SMAD1: variants seen among roughly 807,000 people sequenced by gnomAD.
SMAD1 encodes the protein SMAD family member 1, also known as MAD, mothers against decapentaplegic homolog 1.
SMAD1 carries 6 observed loss-of-function variants against 41.6 expected under a neutral mutation model. The observed-to-expected ratio is 0.14, with a 90% CI of 0.08 to 0.28. SMAD1 has a LOEUF of 0.28. SMAD1 is among the 10% of genes least tolerant of loss of function. The probability of loss-of-function intolerance (pLI) is 1.00; values close to 1 mark genes in which losing one functional copy is unlikely to be tolerated. For synonymous variants in SMAD1, 206 were observed against 203.2 expected, an observed-to-expected ratio of 1.01 and a Z score of -0.12; for missense variants, 379 against 582.6, an observed-to-expected ratio of 0.65 and a Z score of 3.60.
intron 1 of SMAD1, chr4:145,502,916 T>C (rs1729533341): frequency 2.0e-5 from 3 of 152,260 alleles, no homozygotes; most frequent in South Asian, 4.1e-4. Flanking sequence ...CTTGCTGGCA[T>C]GTCACTTAAG....
intron 3 of SMAD1, among the ~76,000 whole-genome samples, chr4:145,541,860 A>G (rs1731960697): frequency 6.6e-6 from 1 of 152,114 alleles, no homozygotes; most frequent in African/African-American, 2.4e-5. Context: ...AGAAACCTAT[A>G]CCCTTTGTTT....
In SMAD1 at chr4:145,518,555, A is replaced by G. The variant is rs140182908; in HGVS notation, c.400+3542A>G. ...CACACTGCCAGAATTGAAGCCCTCT[A>G]TAAAGCCGTACAGAGTACACCTGGG... On this transcript the variant is annotated intron_variant, in intron 2 of 6. Transcript: ENST00000302085. 1.9e-3 allele frequency among the ~76,000 whole-genome samples: 235 copies of G among 125,436 alleles called. 70 individuals are homozygous for G. In the South Asian group the frequency reaches 0.03, roughly 16 times the overall value. 82.3% of individuals were successfully genotyped at this position (125,436 alleles called of 152,430 possible).
Position 145,557,813 on chromosome 4 carries a change from G to A in SMAD1, c.1277G>A (p.Arg426His). 6.2e-7 allele frequency: 1 copy of A among 1,608,312 alleles called. No individual in the cohort carries two copies. The highest frequency in any genetic ancestry group is 8.5e-7 in the Non-Finnish European group (1 of 1,176,384). The change falls in exon 7 of 7, where the codon CGC becomes CAC. Residue 426 changes from arginine (R) to histidine (H), a missense_variant. This residue lies in a region of SMAD1 where 107 missense variants were observed against 218.3 expected (regional missense o/e 0.49). Transcript: ENST00000302085. Reference sequence around the variant, plus strand: ...TAGGGCTGGGGAGCAGAATACCACCGCCAGGATGTTACTAGCACCCCCTGC... The same window carrying A: ...TAGGGCTGGGGAGCAGAATACCACCACCAGGATGTTACTAGCACCCCCTGC... ...FVKGWGAEYH[R>H]QDVTSTPCWI...
intron 1 of SMAD1, among the ~76,000 whole-genome samples, chr4:145,484,932 T>C (rs1469565717): frequency 6.6e-6 from 1 of 152,232 alleles, no homozygotes; most frequent in Non-Finnish European, 1.5e-5. Flanking sequence ...AACAAAGATA[T>C]TTGAATTGAA....
At chr4:145,500,490 C>T (rs992158097) in intron 1 of SMAD1, among the ~76,000 whole-genome samples, 18 of 152,248 alleles carry the variant, frequency 1.2e-4, no homozygotes, top group African/African-American at 4.3e-4. Flanking sequence ...GCCCTTCTCT[C>T]TGCTTGGAAT....
chr4:145,527,399 A>G (rs899749610), intron 2 of SMAD1, among the ~76,000 whole-genome samples: 2 of 151,804 alleles, frequency 1.3e-5, no homozygotes, highest in Non-Finnish European at 2.9e-5. Context: ...AATTTTTTGT[A>G]TTTTTAGTAG....
chr4:145,515,073 T>G (rs1416041755), intron 2 of SMAD1, 60 bp downstream of exon 2: 6 of 1,478,936 alleles, frequency 4.1e-6, no homozygotes, highest in Admixed American at 2.2e-5. Context: ...TTGTGTTGTT[T>G]AGAACATGAA....
At chr4:145,505,785 C>T (rs774731922) in intron 1 of SMAD1, among the ~76,000 whole-genome samples, 22 of 151,952 alleles carry the variant, frequency 1.4e-4, no homozygotes, top group Admixed American at 1.4e-3. Context: ...TCTGGAAATA[C>T]GCACTTAGGT....
intron 5 of SMAD1, among the ~76,000 whole-genome samples, chr4:145,549,311 C>G (rs1206242330): frequency 2.0e-5 from 3 of 152,150 alleles, no homozygotes; most frequent in Non-Finnish European, 4.4e-5. Flanking sequence ...GCCAACTATA[C>G]TATGGCTATA....
chr4:145,527,337 C>G (rs1246174150), intron 2 of SMAD1, among the ~76,000 whole-genome samples: 1 of 151,604 alleles, frequency 6.6e-6, no homozygotes, highest in African/African-American at 2.4e-5. Context: ...CATTCTCCTG[C>G]CTCAGCCTCC....
At chr4:145,515,160 G>GTGTC in intron 2 of SMAD1, 147 bp downstream of exon 2, 1 of 717,386 alleles carries the variant, frequency 1.4e-6, no homozygotes. Flanking sequence ...GTGTGTGTGT[G>GTGTC]TGTGTGTGTG....
chr4:145,539,708 G>T (rs1406584600), intron 2 of SMAD1, 96 bp from the exon 3 acceptor site: 1 of 1,242,278 alleles, frequency 8.0e-7, no homozygotes. Context: ...CAGATAATTT[G>T]TTGTTGTTTA....
At chr4:145,547,370 C>T (rs1218926351) in intron 5 of SMAD1, among the ~76,000 whole-genome samples, 1 of 152,126 alleles carries the variant, frequency 6.6e-6, no homozygotes, top group Non-Finnish European at 1.5e-5. Flanking sequence ...AGTGATTGTA[C>T]CCCCACAGGG....
chr4:145,539,244 T>C (rs1731787380), intron 2 of SMAD1, among the ~76,000 whole-genome samples: 1 of 152,228 alleles, frequency 6.6e-6, no homozygotes, highest in Admixed American at 6.5e-5. Context: ...CCTCATATTT[T>C]GTATAATTAA....
intron 2 of SMAD1, among the ~76,000 whole-genome samples, chr4:145,524,317 T>C (rs190709712): frequency 8.5e-5 from 13 of 152,338 alleles, no homozygotes; most frequent in African/African-American, 3.1e-4. Context: ...AAGCTTGTTA[T>C]TTTAATTTTT....
intron 1 of SMAD1, among the ~76,000 whole-genome samples, chr4:145,489,720 G>T (rs1347590754): frequency 1.2e-4 from 18 of 152,174 alleles, no homozygotes; most frequent in Admixed American, 1.2e-3. Flanking sequence ...GCTACAGGCA[G>T]GTTGGAGATA....
chr4:145,512,364 C>T (rs72946724), intron 1 of SMAD1, among the ~76,000 whole-genome samples: 20,383 of 152,074 alleles, frequency 0.13, 2,784 homozygotes, highest in African/African-American at 0.34. Context: ...TCCTTTAAGA[C>T]TCTACTTATG....
chr4:145,539,842 A>C lies in SMAD1; in HGVS notation c.439A>C (p.Asn147His), dbSNP rs118128857. 70 of 1,614,056 alleles carry C rather than the reference A, an allele frequency of 4.3e-5. No homozygotes were observed. In the East Asian group the frequency reaches 4.9e-4, roughly 11 times the overall value. ...GCTGGTTCCAAGACACAGCGAATATAATCCTCAGCACAGCCTCTTAGCTCA... is the reference window on the plus strand; with the variant it reads ...GCTGGTTCCAAGACACAGCGAATATCATCCTCAGCACAGCCTCTTAGCTCA... Reference protein sequence around the residue: ...PVLVPRHSEYNPQHSLLAQFR... With the variant: ...PVLVPRHSEYHPQHSLLAQFR... The change falls in exon 3 of 7, where the codon AAT (asparagine) becomes CAT (histidine). Residue 147 changes from asparagine to histidine, a missense_variant. By Grantham distance (68) the Asn-to-His change is moderately conservative. Coordinates refer to ENST00000302085, the MANE Select transcript of SMAD1 (RefSeq NM_005900.3).
chr4:145,554,116 T>G (rs552688409), intron 6 of SMAD1, 76 bp downstream of exon 6: 1 of 1,225,844 alleles, frequency 8.2e-7, no homozygotes, highest in African/African-American at 1.5e-5. Flanking sequence ...TTTGGCGATA[T>G]ATGAATCTAT....
Sources: allele counts gnomAD v4.1 joint callset (sites outside exome capture counted in the v4.1 genomes callset), GRCh38; gene constraint gnomAD v4.1.1; regional missense constraint gnomAD v4.1.1; transcripts MANE v1.5; gene names NCBI Gene and HGNC (gene_info 2026-07-23, HGNC 2026-07-21).